The following NBEA variants were observed in gnomAD, a reference collection of about 807,000 sequenced individuals.
NBEA encodes neurobeachin, also known as lysosomal-trafficking regulator 2.
Under a neutral mutation model 343.4 loss-of-function variants are expected in NBEA, and 44 were observed. The ratio of observed to expected loss-of-function variants is 0.13; its 90% CI spans 0.10 to 0.16. The LOEUF is 0.16. NBEA is among the 10% of genes least tolerant of loss of function. NBEA has a pLI of 1.00. For synonymous variants in NBEA, 1,175 were observed against 1,238.7 expected, an observed-to-expected ratio of 0.95 and a Z score of 1.08; for missense variants, 2,555 against 3,631.3, an observed-to-expected ratio of 0.70 and a Z score of 7.62.
At chr13:35,461,720 C>T (rs573318660) in intron 40 of NBEA, among the ~76,000 whole-genome samples, 6 of 152,234 alleles carry the variant, frequency 3.9e-5, no homozygotes, top group Non-Finnish European at 7.4e-5. Flanking sequence ...AAGACTTTGC[C>T]GCTTACTCAA....
intron 33 of NBEA, among the ~76,000 whole-genome samples, chr13:35,223,815 C>G (rs1239525341): frequency 1.3e-5 from 2 of 152,090 alleles, no homozygotes; most frequent in African/African-American, 4.8e-5. Context: ...TTAATTATAT[C>G]ACAGTTCTGT....
intron 11 of NBEA, among the ~76,000 whole-genome samples, chr13:35,104,148 C>A (rs951133653): frequency 1.3e-5 from 2 of 151,784 alleles, no homozygotes; most frequent in Non-Finnish European, 2.9e-5. Context: ...CATTTACTTC[C>A]CCCATTGTTT....
chr13:35,314,004 G>A (rs1566605146), intron 36 of NBEA, among the ~76,000 whole-genome samples: 1 of 152,092 alleles, frequency 6.6e-6, no homozygotes, highest in Non-Finnish European at 1.5e-5. Flanking sequence ...TGGTGGGAGG[G>A]AAAGAAGGCA....
chr13:35,067,485 T>C (rs1405772644), intron 8 of NBEA, among the ~76,000 whole-genome samples: 1 of 152,156 alleles, frequency 6.6e-6, no homozygotes, highest in South Asian at 2.1e-4. Flanking sequence ...TAATGTTAAG[T>C]GTACAAGTCA....
rs77635535 is a variant in NBEA at position 35,145,799 on chromosome 13, G to T, written c.2445+3422G>T. 2.1e-4 allele frequency among the ~76,000 whole-genome samples: 32 copies of T among 152,236 alleles called. No individual in the cohort carries two copies. The East Asian group carries it at 5.8e-3, about 28-fold the overall frequency. On this transcript the variant is annotated intron_variant, in intron 18 of 58. Transcript: ENST00000379939. ...GGATTTGGCACTTTAGGATGTAAGG[G>T]AATTACAGCCTCATTAATGGTTCAT...
At chr13:35,394,298 G>A (rs1243910416) in intron 38 of NBEA, among the ~76,000 whole-genome samples, 1 of 152,052 alleles carries the variant, frequency 6.6e-6, no homozygotes, top group Non-Finnish European at 1.5e-5. Context: ...CAAAACACAA[G>A]GGAAAGTGCA....
chr13:34,998,955 G>A (rs1029244330), intron 1 of NBEA, among the ~76,000 whole-genome samples: 36 of 152,088 alleles, frequency 2.4e-4, no homozygotes, highest in African/African-American at 8.7e-4. Context: ...AGTAAAGACA[G>A]GCGTAAGAAA....
At chr13:35,080,531 A>G (rs757388502) in intron 10 of NBEA, among the ~76,000 whole-genome samples, 13 of 152,316 alleles carry the variant, frequency 8.5e-5, no homozygotes, top group East Asian at 1.9e-4. Context: ...AGGGTAGGTT[A>G]CAATAAGGCT....
intron 27 of NBEA, 99 bp from the exon 28 acceptor site, chr13:35,176,897 A>C (rs1416169535): frequency 1.4e-6 from 1 of 698,868 alleles, no homozygotes; most frequent in Non-Finnish European, 2.5e-6. Context: ...AGAGAGGTGG[A>C]GATACATGAT....
chr13:35,497,113 G>A (rs912870204), intron 41 of NBEA, among the ~76,000 whole-genome samples: 18 of 151,996 alleles, frequency 1.2e-4, no homozygotes, highest in Non-Finnish European at 1.2e-4. Context: ...AAAAATTAAG[G>A]ATATGATCAC....
chr13:35,534,474 A>G (rs2078430796), intron 41 of NBEA, among the ~76,000 whole-genome samples: 1 of 152,154 alleles, frequency 6.6e-6, no homozygotes, highest in South Asian at 2.1e-4. Context: ...ACCTTCCTCC[A>G]GTGCTCTCAA....
At chr13:34,955,023 C>T (rs910127906) in intron 1 of NBEA, among the ~76,000 whole-genome samples, 1 of 152,110 alleles carries the variant, frequency 6.6e-6, no homozygotes, top group African/African-American at 2.4e-5. Flanking sequence ...GGTCAATGGC[C>T]TGACTCTTTC....
intron 30 of NBEA, chr13:35,185,942 A>T (rs2071670605): frequency 1.3e-5 from 2 of 152,142 alleles, no homozygotes; most frequent in South Asian, 2.1e-4. Flanking sequence ...GATAGATATG[A>T]TCAAAGAGCA....
At chr13:35,298,878 C>T (rs375802607) in intron 35 of NBEA, among the ~76,000 whole-genome samples, 1 of 151,450 alleles carries the variant, frequency 6.6e-6, no homozygotes, top group Non-Finnish European at 1.5e-5. Flanking sequence ...TCAGTTTTTC[C>T]TATAATACTT....
chr13:35,401,785 GA>G (rs202116964), intron 38 of NBEA, among the ~76,000 whole-genome samples: 4 of 152,016 alleles, frequency 2.6e-5, no homozygotes, highest in South Asian at 2.1e-4. Flanking sequence ...TTTAGAATTA[GA>G]AAAAAACTTC....
At chr13:35,210,526 G>A (rs2073699306) in intron 32 of NBEA, among the ~76,000 whole-genome samples, 1 of 151,956 alleles carries the variant, frequency 6.6e-6, no homozygotes, top group Non-Finnish European at 1.5e-5. Flanking sequence ...TACTAAAATG[G>A]CATCTTTATA....
chr13:34,992,236 GTGTATA>G (rs1566133531), intron 1 of NBEA, among the ~76,000 whole-genome samples: 59 of 101,050 alleles, frequency 5.8e-4, no homozygotes, highest in Non-Finnish European at 7.8e-4. Context: ...GTGTGTGTGT[GTGTATA>G]TATATATATA....
At chr13:35,299,797 T>C (rs2036412086) in intron 35 of NBEA, among the ~76,000 whole-genome samples, 1 of 152,240 alleles carries the variant, frequency 6.6e-6, no homozygotes, top group African/African-American at 2.4e-5. Context: ...ATATACCTTT[T>C]TCCTGTCATT....
At chr13:35,571,470 C>T (rs1428249938) in intron 45 of NBEA, among the ~76,000 whole-genome samples, 1 of 151,058 alleles carries the variant, frequency 6.6e-6, no homozygotes, top group Non-Finnish European at 1.5e-5. Flanking sequence ...TCTAAATTCT[C>T]TGAACTTGTT....
Sources: allele counts gnomAD v4.1 joint callset (sites outside exome capture counted in the v4.1 genomes callset), GRCh38; gene constraint gnomAD v4.1.1; transcripts MANE v1.5; gene names NCBI Gene and HGNC (gene_info 2026-07-23, HGNC 2026-07-21).